Variants in BTBD10 observed in about 807,000 individuals in gnomAD.
BTBD10 encodes BTB/POZ domain-containing protein 10.
BTBD10 carries 21 observed loss-of-function variants against 53.2 expected under a neutral mutation model. The ratio of observed to expected loss-of-function variants is 0.39; its 90% CI spans 0.28 to 0.57. The LOEUF is 0.57. BTBD10 is among the 20% of genes least tolerant of loss of function. BTBD10 has a pLI of 0.53. For synonymous variants in BTBD10, 149 were observed against 192.7 expected (o/e 0.77, Z 1.88); for missense variants, 360 against 594.7 (o/e 0.61, Z 4.10).
At chr11:13,414,844 GA>G (rs71041526) in intron 5 of BTBD10, among the ~76,000 whole-genome samples, 21,647 of 85,370 alleles carry the variant, frequency 0.25, 1,970 homozygotes, top group Admixed American at 0.38. Context: ...CATCTCAAAC[GA>G]AAAAAAAAAA....
intron 6 of BTBD10, among the ~76,000 whole-genome samples, chr11:13,407,757 T>G (rs1259299052): frequency 6.6e-6 from 1 of 152,200 alleles, no homozygotes. Flanking sequence ...ACAAACTTGT[T>G]TGTAACCAGA....
intron 1 of BTBD10, among the ~76,000 whole-genome samples, chr11:13,453,202 T>C (rs543961057): frequency 2.0e-5 from 3 of 152,170 alleles, no homozygotes; most frequent in East Asian, 1.9e-4. Context: ...TATTTCAAAA[T>C]ATATTGTTAA....
intron 5 of BTBD10, among the ~76,000 whole-genome samples, chr11:13,415,735 T>C (rs1295449641): frequency 2.0e-5 from 3 of 152,122 alleles, no homozygotes; most frequent in Non-Finnish European, 4.4e-5. Flanking sequence ...CATTTCTGCA[T>C]TTGTCCCCCT....
At chr11:13,459,581 A>T (rs1390162986) in intron 1 of BTBD10, 1 of 152,234 alleles carries the variant, frequency 6.6e-6, no homozygotes, top group African/African-American at 2.4e-5. Flanking sequence ...AACAAAAAAT[A>T]AAGGATCCAA....
chr11:13,406,581 G>A lies in BTBD10; in HGVS notation c.809-725C>T, dbSNP rs552164534. Among the ~76,000 whole-genome samples the A allele has an allele frequency of 2.2e-4, 33 of 150,264 alleles. No individual in the cohort carries two copies. In the East Asian group the frequency reaches 5.9e-3, roughly 27 times the overall value. ...TGAGTGAGAGAGAGAGAGAGAGAGAGAGAGAGAAACAGAGAGTGAGCCAGA... is the reference window on the plus strand; with the variant it reads ...TGAGTGAGAGAGAGAGAGAGAGAGAAAGAGAGAAACAGAGAGTGAGCCAGA... On this transcript the variant is annotated intron_variant, in intron 6 of 8. Coordinates refer to ENST00000278174, the MANE Select transcript of BTBD10 (RefSeq NM_032320.7).
chr11:13,437,770 T>C (rs537226898), intron 2 of BTBD10, among the ~76,000 whole-genome samples: 4 of 152,276 alleles, frequency 2.6e-5, no homozygotes, highest in Admixed American at 6.5e-5. Context: ...AATGAGTCCT[T>C]TCCATTTTTA....
chr11:13,423,347 T>C (rs1294986833), intron 2 of BTBD10, among the ~76,000 whole-genome samples: 2 of 152,210 alleles, frequency 1.3e-5, no homozygotes, highest in African/African-American at 4.8e-5. Context: ...GAAACTTAGG[T>C]TTCTCATTTG....
intron 8 of BTBD10, among the ~76,000 whole-genome samples, chr11:13,389,763 G>T (rs187010786): frequency 1.3e-5 from 2 of 152,122 alleles, no homozygotes; most frequent in African/African-American, 2.4e-5. Flanking sequence ...AGGATTACCC[G>T]GCCTACAGGC....
At chr11:13,454,007 G>A (rs555757043) in intron 1 of BTBD10, among the ~76,000 whole-genome samples, 12 of 152,100 alleles carry the variant, frequency 7.9e-5, no homozygotes, top group African/African-American at 1.7e-4. Context: ...AGCCAAGATC[G>A]CGCCACTGCA....
intron 6 of BTBD10, among the ~76,000 whole-genome samples, chr11:13,412,814 T>A (rs938271621): frequency 1.3e-5 from 2 of 152,220 alleles, no homozygotes; most frequent in Non-Finnish European, 2.9e-5. Flanking sequence ...TTGGCTTAAG[T>A]ACCTAAGTCA....
intron 4 of BTBD10, 98 bp downstream of exon 4, chr11:13,419,362 A>C: frequency 6.9e-7 from 1 of 1,440,678 alleles, no homozygotes; most frequent in Non-Finnish European, 9.3e-7. Context: ...CAGAAATGTT[A>C]CATTTCAACA....
intron 8 of BTBD10, among the ~76,000 whole-genome samples, chr11:13,395,971 G>T (rs556451755): frequency 2.7e-3 from 414 of 152,218 alleles, no homozygotes; most frequent in Middle Eastern, 0.01. Context: ...GTCAGGTAGC[G>T]TGATGCCTCC....
chr11:13,430,245 G>C (rs932436177), intron 2 of BTBD10, among the ~76,000 whole-genome samples: 1 of 152,178 alleles, frequency 6.6e-6, no homozygotes. Flanking sequence ...AAAAATTTGA[G>C]ATATGCAGAT....
chr11:13,397,176 T>G (rs11493155), intron 8 of BTBD10, among the ~76,000 whole-genome samples: 23,967 of 152,170 alleles, frequency 0.16, 2,078 homozygotes, highest in Admixed American at 0.24. Flanking sequence ...GGTCATGGAC[T>G]TTTTTTAGTT....
chr11:13,426,440 C>T (rs1950340616), intron 2 of BTBD10, among the ~76,000 whole-genome samples: 1 of 151,902 alleles, frequency 6.6e-6, no homozygotes, highest in South Asian at 2.1e-4. Context: ...ATGAAGACTA[C>T]TAGAAAAAGT....
intron 2 of BTBD10, among the ~76,000 whole-genome samples, chr11:13,441,114 T>C (rs1224450438): frequency 6.6e-6 from 1 of 152,184 alleles, no homozygotes; most frequent in Non-Finnish European, 1.5e-5. Flanking sequence ...CAGTAATTTT[T>C]AAACTAATTT....
chr11:13,452,482 TTTAA>T (rs1241369516), intron 1 of BTBD10, among the ~76,000 whole-genome samples: 1 of 152,222 alleles, frequency 6.6e-6, no homozygotes, highest in Non-Finnish European at 1.5e-5. Flanking sequence ...CAGCAATGAT[TTTAA>T]TTAATACATA....
At chr11:13,408,128 G>C (rs547304319) in intron 6 of BTBD10, among the ~76,000 whole-genome samples, 1 of 152,234 alleles carries the variant, frequency 6.6e-6, no homozygotes, top group African/African-American at 2.4e-5. Context: ...CAGAATAAAT[G>C]AGAGTAATAA....
chr11:13,440,360 A>T, intron 2 of BTBD10: 1 of 1,028,566 alleles, frequency 9.7e-7, no homozygotes, highest in Non-Finnish European at 1.2e-6. Context: ...AAAACGCAGG[A>T]GTTGAGGGCT....
Sources: gnomAD v4.1 joint callset for allele counts (sites outside exome capture counted in the v4.1 genomes callset) on GRCh38, gnomAD v4.1.1 for gene constraint, MANE v1.5 for transcripts, NCBI Gene and HGNC (gene_info 2026-07-23, HGNC 2026-07-21) for gene names.